OSGIN2: variants seen among roughly 807,000 people sequenced by gnomAD.
The protein encoded by OSGIN2 is oxidative stress induced growth inhibitor family member 2.
OSGIN2 carries 19 observed loss-of-function variants against 53.8 expected under a neutral mutation model. The observed-to-expected ratio is 0.35, with a 90% CI of 0.25 to 0.52. The LOEUF (loss-of-function observed/expected upper bound fraction) is 0.52. OSGIN2 is among the 20% of genes least tolerant of loss of function. OSGIN2 has a pLI of 0.95. For missense variants in OSGIN2, 520 were observed against 662.7 expected (o/e 0.78, Z 2.36); for synonymous variants, 236 against 236.0 (o/e 1.00, Z 0.00).
chr8:89,920,447 C>T (rs1295661775), intron 4 of OSGIN2, among the ~76,000 whole-genome samples: 6 of 152,130 alleles, frequency 3.9e-5, no homozygotes, highest in Admixed American at 3.9e-4. Flanking sequence ...TTGGGCTTTT[C>T]TTGCTTTGTA....
chr8:89,908,133 G>A (rs1410635088), intron 1 of OSGIN2, among the ~76,000 whole-genome samples: 4 of 152,172 alleles, frequency 2.6e-5, no homozygotes, highest in South Asian at 2.1e-4. Context: ...AGGTAGAAGC[G>A]GGCATGGGCA....
chr8:89,927,766 A>C lies in OSGIN2; in HGVS notation c.*2234A>C, dbSNP rs1378157213. On this transcript the variant is annotated 3_prime_UTR_variant, in exon 6 of 6. Coordinates refer to ENST00000451899, the MANE Select transcript of OSGIN2 (RefSeq NM_001126111.3). ...GAACCATATCCAACTACTTTTTTGA[A>C]AATCTAGTTCTATGTAATATATTTC... The C allele has an allele frequency of 1.3e-5, 2 of 152,214 alleles. No individual in the cohort carries two copies. Among genetic ancestry groups the C allele is most frequent in the Admixed American group, 1.3e-4 (2 of 15,282 alleles). The allele number at this position is 152,214 out of a possible 1,614,324, so 9.4% of individuals were successfully genotyped here. A position where few individuals can be genotyped will look rare whatever the true frequency, so the allele number is the denominator to read the frequency against.
chr8:89,915,404 T>C (rs138381790), intron 4 of OSGIN2, among the ~76,000 whole-genome samples: 1 of 152,252 alleles, frequency 6.6e-6, no homozygotes, highest in African/African-American at 2.4e-5. Flanking sequence ...CTAGCTCTAC[T>C]TACCTCCCAA....
rs1205738150 is a variant in OSGIN2 at position 89,927,155 on chromosome 8, A to ATGTT, written c.*1625_*1628dup. The ATGTT allele has an allele frequency of 6.6e-6, 1 of 152,108 alleles. No homozygotes were observed. Among genetic ancestry groups the ATGTT allele is most frequent in the East Asian group, 1.9e-4 (1 of 5,190 alleles). 9.4% of individuals were successfully genotyped at this position (152,108 alleles called of 1,614,324 possible). On this transcript the variant is annotated 3_prime_UTR_variant, in exon 6 of 6. Transcript: ENST00000451899. ...TTGACCTCTGCATGAGTTGGATTAGATGTTTTTCTTACTGTCACTTCTAAA... is the reference window on the plus strand; with the variant it reads ...TTGACCTCTGCATGAGTTGGATTAGATGTTTGTTTTTCTTACTGTCACTTCTAAA...
At chr8:89,919,297 G>A (rs2130708378) in intron 4 of OSGIN2, among the ~76,000 whole-genome samples, 1 of 152,274 alleles carries the variant, frequency 6.6e-6, no homozygotes, top group South Asian at 2.1e-4. Context: ...ATTAGAATCA[G>A]CAATGGGAAA....
chr8:89,923,430 C>G (rs1809248598), intron 5 of OSGIN2, among the ~76,000 whole-genome samples: 1 of 152,122 alleles, frequency 6.6e-6, no homozygotes, highest in Non-Finnish European at 1.5e-5. Flanking sequence ...CAAACAGTCC[C>G]TGATTAATCA....
intron 1 of OSGIN2, among the ~76,000 whole-genome samples, chr8:89,905,595 TC>T (rs1407493304): frequency 6.6e-6 from 1 of 152,228 alleles, no homozygotes; most frequent in African/African-American, 2.4e-5. Flanking sequence ...AATCACACTT[TC>T]CGTTTTTGTT....
Position 89,925,363 on chromosome 8 carries a change from C to G in OSGIN2, c.1481C>G (p.Thr494Ser). 1 of 1,614,010 alleles carries G rather than the reference C, an allele frequency of 6.2e-7. No individual in the cohort carries two copies. The highest frequency in any genetic ancestry group is 1.1e-5 in the South Asian group (1 of 91,078). ...KGNPVEIDTY[T>S]YECIKEANLF... is the part of the protein sequence containing the mutation. ...AATCCTGTGGAAATAGATACATATA[C>G]CTATGAGTGTATTAAAGAAGCCAAC... Residue 494 changes from threonine to serine, a missense_variant, in exon 6 of 6, where the codon ACC (threonine) becomes AGC (serine). Around this residue, in one of 3 missense-constraint regions of OSGIN2, gnomAD observed 239 missense variants for 328.3 expected, o/e 0.73. Transcript: ENST00000451899.
At chr8:89,910,106 A>G (rs888845132) in intron 2 of OSGIN2, among the ~76,000 whole-genome samples, 6 of 151,864 alleles carry the variant, frequency 4.0e-5, no homozygotes, top group African/African-American at 1.5e-4. Context: ...ACAGACAGAG[A>G]AACTGACACA....
Position 89,925,871 on chromosome 8 carries a change from A to C in OSGIN2, c.*339A>C. On this transcript the variant is annotated 3_prime_UTR_variant, in exon 6 of 6. Transcript: ENST00000451899. ...AAAATAGTACAGCCTTGAATCTATA[A>C]AACTGTGCAGTCATTATGCCAGAAA... is the stretch of plus-strand genomic sequence containing the variant. The C allele has an allele frequency of 4.6e-6, 1 of 215,220 alleles. No individual in the cohort carries two copies. Among genetic ancestry groups the C allele is most frequent in the Non-Finnish European group, 9.4e-6 (1 of 105,938 alleles). The allele number at this position is 215,220 out of a possible 1,614,324, so 13.3% of individuals were successfully genotyped here.
chr8:89,912,017 A>C (rs899225653), intron 2 of OSGIN2, among the ~76,000 whole-genome samples: 1 of 151,898 alleles, frequency 6.6e-6, no homozygotes, highest in African/African-American at 2.4e-5. Flanking sequence ...TTCTAGAATT[A>C]TAAGTTGAAA....
chr8:89,922,138 CTAATT>C (rs1563476753), intron 5 of OSGIN2, among the ~76,000 whole-genome samples: 1 of 152,160 alleles, frequency 6.6e-6, no homozygotes, highest in Non-Finnish European at 1.5e-5. Flanking sequence ...AGAATCTACT[CTAATT>C]TGACTACTCA....
chr8:89,921,314 TTATAA>T, intron 5 of OSGIN2, 143 bp downstream of exon 5: 4 of 563,052 alleles, frequency 7.1e-6, no homozygotes, highest in Non-Finnish European at 1.3e-5. Context: ...GAAGCAGTGA[TTATAA>T]TATGCTAGTT....
intron 2 of OSGIN2, among the ~76,000 whole-genome samples, chr8:89,912,081 T>G (rs1341841189): frequency 6.6e-6 from 1 of 152,256 alleles, no homozygotes; most frequent in Non-Finnish European, 1.5e-5. Flanking sequence ...TTTTCTTATA[T>G]CTTTGAGTAT....
chr8:89,907,186 A>G (rs189220590), intron 1 of OSGIN2, among the ~76,000 whole-genome samples: 8 of 152,270 alleles, frequency 5.3e-5, no homozygotes, highest in African/African-American at 1.9e-4. Flanking sequence ...TAGTTTGCAA[A>G]AATTTTCTCC....
intron 4 of OSGIN2, among the ~76,000 whole-genome samples, chr8:89,918,070 C>G (rs1208366527): frequency 6.6e-6 from 1 of 152,194 alleles, no homozygotes; most frequent in Non-Finnish European, 1.5e-5. Context: ...TGCTCCTTAG[C>G]TTACTCACTC....
chr8:89,903,306 G>A (rs1808768708), intron 1 of OSGIN2, among the ~76,000 whole-genome samples: 1 of 152,212 alleles, frequency 6.6e-6, no homozygotes, highest in Non-Finnish European at 1.5e-5. Flanking sequence ...ATGGTAAGAC[G>A]TGTGTGTTGT....
At position 89,909,708 on chromosome 8, in the gene OSGIN2, T is replaced by G. The variant is rs1297368523; in HGVS notation, c.186T>G (p.Pro62=). 2.5e-6 allele frequency: 4 copies of G among 1,604,128 alleles called. No individual in the cohort carries two copies. Among genetic ancestry groups the G allele is most frequent in the Non-Finnish European group, 1.7e-6 (2 of 1,172,734 alleles). Residue 62 remains proline (P), a synonymous_variant, in exon 2 of 6, where the codon CCT becomes CCG. Coordinates refer to ENST00000451899, the MANE Select transcript of OSGIN2 (RefSeq NM_001126111.3). ...SLLEDSSVTF[P]VVIIGNGPSG... is the part of the protein sequence containing the mutation. ...TGGAAGATTCGTCAGTGACTTTTCC[T>G]GTGGTAATAATAGGTAAGTTATTGT...
chr8:89,927,738 T>A lies in OSGIN2; in HGVS notation c.*2206T>A, dbSNP rs1160899162. The A allele has an allele frequency of 6.6e-6, 1 of 152,244 alleles. No homozygotes were observed. The highest frequency in any genetic ancestry group is 1.5e-5 in the Non-Finnish European group (1 of 68,040). 9.4% of individuals were successfully genotyped at this position (152,244 alleles called of 1,614,324 possible). A position where few individuals can be genotyped will look rare whatever the true frequency, so the allele number is the denominator to read the frequency against. ...ATTACAGCTTCCAGTGTTTTGACTATGTGAACCATATCCAACTACTTTTTT... is the reference window on the plus strand; with the variant it reads ...ATTACAGCTTCCAGTGTTTTGACTAAGTGAACCATATCCAACTACTTTTTT... On this transcript the variant is annotated 3_prime_UTR_variant, in exon 6 of 6. Coordinates refer to ENST00000451899, the MANE Select transcript of OSGIN2 (RefSeq NM_001126111.3).
Sources: gnomAD v4.1 joint callset for allele counts (sites outside exome capture counted in the v4.1 genomes callset) on GRCh38, gnomAD v4.1.1 for gene constraint, gnomAD v4.1.1 regional missense constraint, MANE v1.5 for transcripts, NCBI Gene and HGNC (gene_info 2026-07-23, HGNC 2026-07-21) for gene names.